Variants in GPC5 observed in about 807,000 individuals in gnomAD.
The protein encoded by GPC5 is glypican 5.
A neutral mutation model predicts 53.9 loss-of-function variants in GPC5; 47 were observed. The ratio of observed to expected loss-of-function variants is 0.87; its 90% confidence interval spans 0.69 to 1.11. The LOEUF is 1.11. Ranked by LOEUF, GPC5 falls within the 50% of genes most tolerant of loss-of-function variation. The probability of loss-of-function intolerance (pLI) is 0.00; values close to 1 mark genes in which losing one functional copy is unlikely to be tolerated. For synonymous variants in GPC5, 286 were observed against 263.3 expected (o/e 1.09, Z -0.84); for missense variants, 748 against 713.1 (o/e 1.05, Z -0.56).
chr13:91,830,110 C>T (rs1228105853), intron 5 of GPC5, among the ~76,000 whole-genome samples: 1 of 151,998 alleles, frequency 6.6e-6, no homozygotes, highest in Non-Finnish European at 1.5e-5. Flanking sequence ...TTCACCCCTA[C>T]AGTCTACAGA....
chr13:91,698,523 C>CA (rs2035929811), intron 3 of GPC5, among the ~76,000 whole-genome samples: 1 of 151,956 alleles, frequency 6.6e-6, no homozygotes, highest in South Asian at 2.1e-4. Context: ...TTATTTAGGA[C>CA]AAAATGCTAA....
At chr13:92,735,650 C>A (rs1041532494) in intron 7 of GPC5, among the ~76,000 whole-genome samples, 4 of 152,002 alleles carry the variant, frequency 2.6e-5, no homozygotes, top group African/African-American at 9.7e-5. Flanking sequence ...CCTAAATAAA[C>A]TCAAGCCCAT....
intron 7 of GPC5, among the ~76,000 whole-genome samples, chr13:92,528,287 A>G (rs916358246): frequency 6.6e-6 from 1 of 152,242 alleles, no homozygotes; most frequent in South Asian, 2.1e-4. Context: ...CTGCATTTTT[A>G]TAAACTTTAA....
intron 1 of GPC5, among the ~76,000 whole-genome samples, chr13:91,413,174 A>C (rs1208684341): frequency 6.6e-6 from 1 of 152,178 alleles, no homozygotes; most frequent in Non-Finnish European, 1.5e-5. Flanking sequence ...CTAGCTAATC[A>C]GGTAGCTGAG....
chr13:92,450,779 A>G (rs1210649398), intron 7 of GPC5, among the ~76,000 whole-genome samples: 1 of 152,192 alleles, frequency 6.6e-6, no homozygotes, highest in Non-Finnish European at 1.5e-5. Context: ...CCCTTGGTCA[A>G]GCTTCCGGAA....
At chr13:91,512,315 C>A (rs1229211699) in intron 2 of GPC5, among the ~76,000 whole-genome samples, 2 of 152,186 alleles carry the variant, frequency 1.3e-5, no homozygotes, top group East Asian at 3.9e-4. Context: ...CTTTCTGCAC[C>A]TTTGGAGATC....
intron 7 of GPC5, among the ~76,000 whole-genome samples, chr13:92,629,550 T>G (rs1056149305): frequency 3.3e-5 from 5 of 152,170 alleles, no homozygotes; most frequent in Non-Finnish European, 7.3e-5. Flanking sequence ...AAAAGTAAGA[T>G]AGTAGATAAA....
intron 6 of GPC5, among the ~76,000 whole-genome samples, chr13:92,101,547 A>C (rs1412467381): frequency 2.6e-5 from 4 of 152,206 alleles, no homozygotes; most frequent in African/African-American, 9.7e-5. Flanking sequence ...GATGCAAACA[A>C]ATTGGAGGAA....
intron 7 of GPC5, among the ~76,000 whole-genome samples, chr13:92,833,312 A>C (rs1178305624): frequency 2.0e-5 from 3 of 152,142 alleles, no homozygotes; most frequent in Non-Finnish European, 4.4e-5. Flanking sequence ...CCTCCTAAGA[A>C]GTTAAACAAT....
At chr13:91,876,894 C>T (rs187121400) in intron 5 of GPC5, among the ~76,000 whole-genome samples, 1 of 152,224 alleles carries the variant, frequency 6.6e-6, no homozygotes, top group Non-Finnish European at 1.5e-5. Flanking sequence ...TGGGCCAGGC[C>T]CAGGGTGCCT....
chr13:92,010,951 A>G (rs547309270), intron 6 of GPC5, among the ~76,000 whole-genome samples: 1 of 152,352 alleles, frequency 6.6e-6, no homozygotes, highest in Admixed American at 6.5e-5. Context: ...TGATATTAGG[A>G]GCAAATATGC....
At chr13:92,248,421 G>A (rs2042668809) in intron 7 of GPC5, among the ~76,000 whole-genome samples, 1 of 152,026 alleles carries the variant, frequency 6.6e-6, no homozygotes, top group Non-Finnish European at 1.5e-5. Flanking sequence ...GGGACCAGAT[G>A]GACTGCCTTC....
intron 7 of GPC5, among the ~76,000 whole-genome samples, chr13:92,290,482 C>G (rs930798765): frequency 2.0e-5 from 3 of 152,060 alleles, no homozygotes; most frequent in African/African-American, 7.2e-5. Flanking sequence ...TTTTCCTCAC[C>G]CCCTTCTGAC....
chr13:91,855,090 AT>A (rs1265917254), intron 5 of GPC5, among the ~76,000 whole-genome samples: 1 of 151,758 alleles, frequency 6.6e-6, no homozygotes, highest in Non-Finnish European at 1.5e-5. Flanking sequence ...ACTCATTTGA[AT>A]TTTTTAATCC....
intron 7 of GPC5, among the ~76,000 whole-genome samples, chr13:92,297,915 C>T (rs1232371900): frequency 3.3e-5 from 5 of 152,022 alleles, no homozygotes; most frequent in African/African-American, 1.2e-4. Context: ...CTGAGCCCAG[C>T]GAGAACACGA....
intron 6 of GPC5, among the ~76,000 whole-genome samples, chr13:92,045,999 T>C (rs1233073146): frequency 6.6e-6 from 1 of 152,036 alleles, no homozygotes; most frequent in Admixed American, 6.6e-5. Flanking sequence ...TAGTCCAAGC[T>C]ACTCAGGAGG....
intron 2 of GPC5, among the ~76,000 whole-genome samples, chr13:91,604,722 C>A (rs2033302370): frequency 8.8e-6 from 1 of 113,806 alleles, no homozygotes; most frequent in Non-Finnish European, 1.8e-5. Flanking sequence ...AGCATTTTTT[C>A]ATGTGTTTTT....
chr13:91,625,159 G>A (rs557181824), intron 2 of GPC5, among the ~76,000 whole-genome samples: 2 of 151,568 alleles, frequency 1.3e-5, no homozygotes, highest in South Asian at 4.2e-4. Flanking sequence ...ATGAGAAAGG[G>A]CATAAAACTA....
At chr13:91,799,556 G>T (rs534513387) in intron 5 of GPC5, among the ~76,000 whole-genome samples, 1 of 129,486 alleles carries the variant, frequency 7.7e-6, no homozygotes, top group African/African-American at 3.5e-5. Flanking sequence ...TGATTTCTTT[G>T]TTTATGTCTC....
Sources: allele counts gnomAD v4.1 joint callset (sites outside exome capture counted in the v4.1 genomes callset), GRCh38; gene constraint gnomAD v4.1.1; transcripts MANE v1.5; gene names NCBI Gene and HGNC (gene_info 2026-07-23, HGNC 2026-07-21).